The following CLEC17A variants were observed in gnomAD, a reference collection of about 807,000 sequenced individuals.
CLEC17A encodes C-type lectin domain family 17, member A.
In CLEC17A, 37 loss-of-function variants were observed where a neutral mutation model predicts 61.3. The ratio of observed to expected loss-of-function variants is 0.60; its 90% CI spans 0.46 to 0.79. The LOEUF is 0.79. Among genes scored for constraint, CLEC17A ranks in the 30% least tolerant of loss-of-function variants. The probability of loss-of-function intolerance (pLI) is 0.00; values close to 1 mark genes in which losing one functional copy is unlikely to be tolerated. For missense variants in CLEC17A, 418 were observed against 464.7 expected (o/e 0.90, Z 0.92); for synonymous variants, 168 against 164.9 (o/e 1.02, Z -0.14).
Position 14,583,370 on chromosome 19 carries a change from G to C in CLEC17A, c.57G>C (p.Glu19Asp), listed in dbSNP as rs759261392. 4 of 1,611,484 alleles carry C rather than the reference G, an allele frequency of 2.5e-6. No individual in the cohort carries two copies. In the East Asian group the frequency reaches 8.9e-5, roughly 36 times the overall value. The part of the protein sequence containing the change: ...GYPDPPGTME[E>D]EEEDDDYENS... ...TTCCCCTGGAAGGGACCATGGAGGA[G>C]GAGGAGGAGGATGATGACTATGAGA... The change falls in exon 2 of 14, where the codon GAG becomes GAC. Residue 19 changes from glutamate (E) to aspartate (D), a missense_variant. By Grantham distance (45) the Glu-to-Asp change is conservative. Transcript: ENST00000417570.
intron 8 of CLEC17A, among the ~76,000 whole-genome samples, chr19:14,595,976 T>TAGTGATGG (rs2074539893): frequency 1.5e-5 from 1 of 66,420 alleles, no homozygotes. Context: ...AATGACAATG[T>TAGTGATGG]TGTTGGTAGA....
rs111613171 is a variant in CLEC17A at position 14,607,360 on chromosome 19, T to C, written c.1004+258T>C. Among the ~76,000 whole-genome samples the C allele has an allele frequency of 4.5e-3, 597 of 133,230 alleles. 4 individuals carry two copies. Among genetic ancestry groups the C allele is most frequent in the East Asian group, 0.017 (86 of 4,986 alleles). 87.4% of individuals were successfully genotyped at this position (133,230 alleles called of 152,430 possible). On this transcript the variant is annotated intron_variant, in intron 13 of 13. Coordinates refer to ENST00000417570, the MANE Select transcript of CLEC17A (RefSeq NM_001204118.2). ...CTGGGACTACAGGTGCCCATCACCA[T>C]GCCCGGCTAATTTTTTGTATTTTTA...
At chr19:14,586,188 C>T (rs2074274137) in intron 2 of CLEC17A, among the ~76,000 whole-genome samples, 1 of 149,294 alleles carries the variant, frequency 6.7e-6, no homozygotes, top group African/African-American at 2.5e-5. Context: ...TGCAATGGTG[C>T]AATCTTGGCT....
chr19:14,583,267 C>G, intron 1 of CLEC17A, 64 bp downstream of exon 1: 1 of 1,613,304 alleles, frequency 6.2e-7, no homozygotes, highest in Non-Finnish European at 8.5e-7. Flanking sequence ...TACAGAATCC[C>G]CACCATGGGG....
chr19:14,600,122 C>G lies in CLEC17A; in HGVS notation c.834C>G (p.Ala278=). The G allele has an allele frequency of 6.2e-7, 1 of 1,613,978 alleles. No homozygotes were observed. The highest frequency in any genetic ancestry group is 8.5e-7 in the Non-Finnish European group (1 of 1,179,886). The change falls in exon 12 of 14, where the codon GCC becomes GCG. Residue 278 remains alanine, a synonymous_variant. Coordinates refer to ENST00000417570, the MANE Select transcript of CLEC17A (RefSeq NM_001204118.2). The part of the protein sequence containing the change: ...FSPSTKSWDE[A]RMFCQENYSH... ...CAAGCACCAAGTCATGGGATGAGGC[C>G]CGGATGTTCTGCCAGGAGAATTACT...
Position 14,607,054 on chromosome 19 carries a change from C to T in CLEC17A, c.956C>T (p.Ala319Val). 1 of 1,354,534 alleles carries T rather than the reference C, an allele frequency of 7.4e-7. No individual in the cohort carries two copies. The highest frequency in any genetic ancestry group is 9.6e-7 in the Non-Finnish European group (1 of 1,046,068). The allele number at this position is 1,354,534 out of a possible 1,614,324, so 83.9% of individuals were successfully genotyped here. A position where few individuals can be genotyped will look rare whatever the true frequency, so the allele number is the denominator to read the frequency against. The change falls in exon 13 of 14, where the codon GCC becomes GTC. Residue 319 changes from alanine (A) to valine (V), a missense_variant. Coordinates refer to ENST00000417570, the MANE Select transcript of CLEC17A (RefSeq NM_001204118.2). Reference protein sequence around the residue: ...RVYWLGLNDRAQEGDWRWLDG... With the variant: ...RVYWLGLNDRVQEGDWRWLDG... ...TACTGGCTGGGGCTGAATGACAGGG[C>T]CCAGGAAGGGGACTGGAGGTGGCTG...
In CLEC17A at chr19:14,606,975, T is replaced by TGGAATTTTTATTTGC; in HGVS notation, c.895-17_895-3dup. The TGGAATTTTTATTTGC allele has an allele frequency of 8.0e-7, 1 of 1,244,406 alleles. No homozygotes were observed. Among genetic ancestry groups the TGGAATTTTTATTTGC allele is most frequent in the Non-Finnish European group, 1.0e-6 (1 of 978,938 alleles). The allele number at this position is 1,244,406 out of a possible 1,614,324, so 77.1% of individuals were successfully genotyped here. The stretch of plus-strand genomic sequence containing the variant: ...TCATGTAGAGGAATGGCTGGCTGAA[T>TGGAATTTTTATTTGC]GGAATTTTTATTTGCAGAATTTTGT... On this transcript the variant is annotated splice_polypyrimidine_tract_variant and intron_variant, in intron 12 of 13. Coordinates refer to ENST00000417570, the MANE Select transcript of CLEC17A (RefSeq NM_001204118.2).
rs71166767 is a variant in CLEC17A at position 14,611,371 on chromosome 19, C to CTTTTTTTT, written c.*1192_*1199dup. Among the ~76,000 whole-genome samples, 34 of 75,960 alleles carry CTTTTTTTT rather than the reference C, an allele frequency of 4.5e-4. No homozygotes were observed. The highest frequency in any genetic ancestry group is 1.6e-3 in the African/African-American group (32 of 20,586). 49.8% of individuals were successfully genotyped at this position (75,960 alleles called of 152,430 possible). A position where few individuals can be genotyped will look rare whatever the true frequency, so the allele number is the denominator to read the frequency against. On this transcript the variant is annotated 3_prime_UTR_variant, in exon 14 of 14. Transcript: ENST00000417570. ...AGACTTGGCCCGTGGAACTTCTATC[C>CTTTTTTTT]TTTTTTTTTTTTTTTTTTTTTTTTG...
chr19:14,599,743 C>T lies in CLEC17A; in HGVS notation c.673C>T (p.Leu225=). The T allele has an allele frequency of 1.9e-6, 3 of 1,613,890 alleles. No individual in the cohort carries two copies. Among genetic ancestry groups the T allele is most frequent in the Non-Finnish European group, 1.7e-6 (2 of 1,179,854 alleles). ...NMTGMAGLAG[L]KHDIARVRAD... is the part of the protein sequence containing the mutation. ...GACTGGCATGGCAGGGCTAGCTGGC[C>T]TGAAGCATGACATTGCCCGTGTAAG... is the stretch of plus-strand genomic sequence containing the variant. The change falls in exon 11 of 14, where the codon CTG becomes TTG. Residue 225 remains leucine, a synonymous_variant. Coordinates refer to ENST00000417570, the MANE Select transcript of CLEC17A (RefSeq NM_001204118.2).
intron 2 of CLEC17A, among the ~76,000 whole-genome samples, chr19:14,584,569 TG>T: frequency 6.6e-6 from 1 of 152,196 alleles, no homozygotes; most frequent in East Asian, 1.9e-4. Context: ...GGGCTGAGGC[TG>T]TATATCCCCC....
At chr19:14,609,170 C>T (rs2074985085) in intron 13 of CLEC17A, among the ~76,000 whole-genome samples, 6 of 152,160 alleles carry the variant, frequency 3.9e-5, no homozygotes, top group Admixed American at 3.3e-4. Context: ...TGGGAGCCTG[C>T]TCACCTAAGA....
chr19:14,602,267 C>T (rs538801597), intron 12 of CLEC17A, among the ~76,000 whole-genome samples: 83 of 151,812 alleles, frequency 5.5e-4, no homozygotes, highest in African/African-American at 1.9e-3. Context: ...TAATCTCTGG[C>T]TTTTAATTGG....
Position 14,595,309 on chromosome 19 carries a change from C to T in CLEC17A, c.439C>T (p.Leu147=). 4 of 1,613,976 alleles carry T rather than the reference C, an allele frequency of 2.5e-6. No homozygotes were observed. The highest frequency in any genetic ancestry group is 3.4e-6 in the Non-Finnish European group (4 of 1,179,846). ...NLEPSPLQPS[L]AATPVPWLNQ... is the part of the protein sequence containing the mutation. ...TGAGCCTTCTCCATTGCAGCCATCC[C>T]TGGCCGGTAAGTGTCCTCCCATTTC... The change falls in exon 8 of 14, where the codon CTG becomes TTG. Residue 147 remains leucine, a synonymous_variant. Coordinates refer to ENST00000417570, the MANE Select transcript of CLEC17A (RefSeq NM_001204118.2).
intron 3 of CLEC17A, 59 bp from the exon 4 acceptor site, chr19:14,592,222 G>A (rs2074437199): frequency 1.3e-6 from 2 of 1,505,462 alleles, no homozygotes; most frequent in Non-Finnish European, 1.8e-6. Context: ...AGAGACCAGG[G>A]CTTGAGGGAT....
At chr19:14,595,987 G>A (rs374584573) in intron 8 of CLEC17A, among the ~76,000 whole-genome samples, 1 of 682 alleles carries the variant, frequency 1.5e-3, no homozygotes, top group African/African-American at 7.6e-3. Flanking sequence ...TGTTGGTAGA[G>A]ATGATGGTGG....
rs71166763 is a variant in CLEC17A, at chr19:14,600,891, C to CTT, written c.894+737_894+738dup. Among the ~76,000 whole-genome samples, 123 of 63,212 alleles carry CTT rather than the reference C, an allele frequency of 1.9e-3. 11 individuals carry two copies. Among genetic ancestry groups the CTT allele is most frequent in the African/African-American group, 6.1e-3 (100 of 16,334 alleles). 41.5% of individuals were successfully genotyped at this position (63,212 alleles called of 152,430 possible). ...GGCGTGAGCCACCACGCTCGGCCTT[C>CTT]TTTTTTTTTTTTTTTTTTTTTTTTT... On this transcript the variant is annotated intron_variant, in intron 12 of 13. Transcript: ENST00000417570.
At chr19:14,605,483 G>C (rs991055417) in intron 12 of CLEC17A, among the ~76,000 whole-genome samples, 7 of 152,122 alleles carry the variant, frequency 4.6e-5, no homozygotes, top group African/African-American at 1.7e-4. Flanking sequence ...ACAGATCTTT[G>C]ATGTATGTTC....
At chr19:14,588,325 C>CAA (rs577433509) in intron 3 of CLEC17A, 1,386 of 93,898 alleles carry the variant, frequency 0.015, 46 homozygotes, top group African/African-American at 0.043. Flanking sequence ...CCATCTCTGC[C>CAA]AAAAAAAAAA....
chr19:14,608,988 C>A (rs939151506), intron 13 of CLEC17A, among the ~76,000 whole-genome samples: 7 of 151,866 alleles, frequency 4.6e-5, no homozygotes, highest in Non-Finnish European at 1.0e-4. Flanking sequence ...TTAGTAGAGA[C>A]GGGGTTTCAA....
Sources: gnomAD v4.1 joint callset for allele counts (sites outside exome capture counted in the v4.1 genomes callset) on GRCh38, gnomAD v4.1.1 for gene constraint, MANE v1.5 for transcripts, NCBI Gene and HGNC (gene_info 2026-07-23, HGNC 2026-07-21) for gene names.